HCK: variants seen among roughly 807,000 people sequenced by gnomAD.
HCK encodes tyrosine-protein kinase HCK.
A neutral mutation model predicts 70.4 loss-of-function variants in HCK; 40 were observed. The observed-to-expected ratio is 0.57, with a 90% CI of 0.44 to 0.74. The LOEUF is 0.74. HCK is among the 30% of genes least tolerant of loss of function. The pLI is 0.00. For missense variants in HCK, 568 were observed against 697.2 expected, an observed-to-expected ratio of 0.81 and a Z score of 2.09; for synonymous variants, 245 against 263.2, an observed-to-expected ratio of 0.93 and a Z score of 0.67.
intron 1 of HCK, among the ~76,000 whole-genome samples, chr20:32,060,070 T>A (rs541822765): frequency 6.6e-6 from 1 of 152,050 alleles, no homozygotes. Context: ...GTGGCCCTGG[T>A]GGTGAACTGG....
rs1184509117 is a variant in HCK at position 32,071,780 on chromosome 20, C to T, written c.181C>T (p.Pro61Ser). 6 of 1,613,678 alleles carry T rather than the reference C, an allele frequency of 3.7e-6. No individual in the cohort carries two copies. The highest frequency in any genetic ancestry group is 4.2e-6 in the Non-Finnish European group (5 of 1,179,788). ...GCCGGATCCCACATCCACCATCAAGCCGGTGAGTAGGGGAGGTCCCAGTTT... is the reference window on the plus strand; with the variant it reads ...GCCGGATCCCACATCCACCATCAAGTCGGTGAGTAGGGGAGGTCCCAGTTT... The change falls in exon 2 of 13, where the codon CCG becomes TCG. Residue 61 changes from proline to serine, a missense_variant and splice_region_variant. Pro to Ser is a moderately conservative substitution (Grantham distance 74). Coordinates refer to ENST00000375852, the MANE Select transcript of HCK (RefSeq NM_002110.5).
At chr20:32,067,460 C>T (rs1438013432) in intron 1 of HCK, among the ~76,000 whole-genome samples, 1 of 150,624 alleles carries the variant, frequency 6.6e-6, no homozygotes, top group Non-Finnish European at 1.5e-5. Flanking sequence ...TATGTGGCTT[C>T]GGAATGTAAT....
chr20:32,094,691 AAAG>A (rs2122618600), intron 11 of HCK, among the ~76,000 whole-genome samples: 2 of 121,056 alleles, frequency 1.7e-5, no homozygotes, highest in South Asian at 5.5e-4. Flanking sequence ...TGTCAAAAGA[AAAG>A]AAAAGAAAAG....
chr20:32,060,444 C>A lies in HCK; in HGVS notation c.62+7958C>A, dbSNP rs191790392. ...CCATGTTGGCCAGGCTTGTCTCAAA[C>A]TCCTGACATCAGGTGATCCGCCTGC... is the stretch of plus-strand genomic sequence containing the variant. On this transcript the variant is annotated intron_variant, in intron 1 of 12. Transcript: ENST00000375852. Among the ~76,000 whole-genome samples the A allele has an allele frequency of 1.9e-3, 286 of 152,296 alleles. 1 individual carries two copies. Among genetic ancestry groups the A allele is most frequent in the African/African-American group, 6.6e-3 (273 of 41,560 alleles).
At chr20:32,066,704 T>C (rs1453844841) in intron 1 of HCK, among the ~76,000 whole-genome samples, 2 of 152,216 alleles carry the variant, frequency 1.3e-5, no homozygotes, top group African/African-American at 4.8e-5. Context: ...CAATTTGTTG[T>C]GCTTCCTGGG....
intron 5 of HCK, among the ~76,000 whole-genome samples, chr20:32,077,293 G>A (rs1025857919): frequency 1.1e-4 from 16 of 152,112 alleles, no homozygotes; most frequent in African/African-American, 3.6e-4. Flanking sequence ...AAATGCAAAT[G>A]TGGGGAAGCA....
chr20:32,100,046 C>T (rs1381655961), intron 12 of HCK, among the ~76,000 whole-genome samples: 1 of 152,002 alleles, frequency 6.6e-6, no homozygotes, highest in African/African-American at 2.4e-5. Flanking sequence ...ACCATAGGCA[C>T]ATGCCACCAT....
intron 1 of HCK, among the ~76,000 whole-genome samples, chr20:32,068,173 C>CT (rs1027811922): frequency 3.3e-5 from 5 of 151,954 alleles, no homozygotes; most frequent in African/African-American, 1.2e-4. Context: ...TGGCACATGC[C>CT]TGTAATCCCA....
chr20:32,077,675 C>T (rs570492032), intron 5 of HCK, among the ~76,000 whole-genome samples: 3 of 151,848 alleles, frequency 2.0e-5, no homozygotes, highest in South Asian at 2.1e-4. Context: ...TACAGGCATG[C>T]GCCACCATAC....
chr20:32,062,625 A>G (rs949276567), intron 1 of HCK, among the ~76,000 whole-genome samples: 1 of 152,160 alleles, frequency 6.6e-6, no homozygotes, highest in East Asian at 1.9e-4. Flanking sequence ...CACCTGTCCA[A>G]TGAAGATTTT....
At chr20:32,076,191 T>C (rs1305968047) in intron 5 of HCK, among the ~76,000 whole-genome samples, 1 of 152,056 alleles carries the variant, frequency 6.6e-6, no homozygotes. Context: ...CTGGGTGTGG[T>C]GGTGCGTGCC....
intron 5 of HCK, among the ~76,000 whole-genome samples, chr20:32,078,075 C>A (rs1017739290): frequency 6.6e-6 from 1 of 151,658 alleles, no homozygotes; most frequent in African/African-American, 2.4e-5. Flanking sequence ...CGCTCTGTTG[C>A]CCAGGCTGGA....
intron 4 of HCK, 62 bp downstream of exon 4, chr20:32,073,880 T>C (rs2045582845): frequency 8.1e-6 from 8 of 982,608 alleles, no homozygotes; most frequent in Non-Finnish European, 9.5e-6. Flanking sequence ...TATGTGCTCT[T>C]TTGTGCTTCC....
intron 4 of HCK, 147 bp from the exon 5 acceptor site, chr20:32,074,476 T>C (rs940980109): frequency 1.5e-6 from 1 of 656,158 alleles, no homozygotes; most frequent in East Asian, 2.6e-5. Context: ...CATGGCCACA[T>C]GCTGGGGCTG....
rs941206742 is a variant in HCK at position 32,052,325 on chromosome 20, C to A, written c.-100C>A. Reference sequence around the variant, plus strand: ...GACTCAGACAGTGCAGGACGAGAAACGCCCGCGGCACCAAAGCCCCTCAGA... The same window carrying A: ...GACTCAGACAGTGCAGGACGAGAAAAGCCCGCGGCACCAAAGCCCCTCAGA... On this transcript the variant is annotated 5_prime_UTR_variant, in exon 1 of 13. Transcript: ENST00000375852. 30 of 841,696 alleles carry A rather than the reference C, an allele frequency of 3.6e-5. No homozygotes were observed. The highest frequency in any genetic ancestry group is 4.6e-5 in the Non-Finnish European group (28 of 611,988). 52.1% of individuals were successfully genotyped at this position (841,696 alleles called of 1,614,324 possible). A position where few individuals can be genotyped will look rare whatever the true frequency, so the allele number is the denominator to read the frequency against.
chr20:32,088,477 C>T, intron 9 of HCK, 91 bp from the exon 10 acceptor site: 1 of 831,438 alleles, frequency 1.2e-6, no homozygotes, highest in Non-Finnish European at 1.9e-6. Context: ...CTTCACCACA[C>T]ACTAAAGTAC....
At chr20:32,094,801 GAA>G (rs1491531021) in intron 11 of HCK, among the ~76,000 whole-genome samples, 728 of 52,070 alleles carry the variant, frequency 0.014, 18 homozygotes, top group Admixed American at 0.024. Flanking sequence ...AAGAAAGAAA[GAA>G]AGAAAGAAAG....
chr20:32,081,844 A>G (rs1327442646), intron 6 of HCK, among the ~76,000 whole-genome samples: 1 of 152,254 alleles, frequency 6.6e-6, no homozygotes, highest in Non-Finnish European at 1.5e-5. Context: ...GAGAAATCAA[A>G]GAAACCATCA....
intron 11 of HCK, among the ~76,000 whole-genome samples, chr20:32,096,309 C>CAATATGG (rs1244435832): frequency 2.7e-5 from 4 of 149,252 alleles, no homozygotes; most frequent in African/African-American, 9.8e-5. Flanking sequence ...CCAGCCTGGC[C>CAATATGG]AATATGGTGA....
Sources: allele counts gnomAD v4.1 joint callset (sites outside exome capture counted in the v4.1 genomes callset), GRCh38; gene constraint gnomAD v4.1.1; transcripts MANE v1.5; gene names NCBI Gene and HGNC (gene_info 2026-07-23, HGNC 2026-07-21).